The following ZNF804B variants were observed in gnomAD, a reference collection of about 807,000 sequenced individuals.
ZNF804B encodes zinc finger protein 804B.
A neutral mutation model predicts 101.4 loss-of-function variants in ZNF804B; 80 were observed. The observed-to-expected ratio is 0.79, with a 90% CI of 0.66 to 0.95. The LOEUF (loss-of-function observed/expected upper bound fraction) is 0.95, where lower values mean the gene tolerates loss of function less well. ZNF804B is among the 40% of genes least tolerant of loss of function. The probability of loss-of-function intolerance (pLI) is 0.00; values close to 1 mark genes in which losing one functional copy is unlikely to be tolerated. For synonymous variants in ZNF804B, 622 were observed against 558.8 expected (o/e 1.11, Z -1.59); for missense variants, 1,673 against 1,561.9 (o/e 1.07, Z -1.20).
At chr7:89,242,990 G>C (rs914977000) in intron 2 of ZNF804B, among the ~76,000 whole-genome samples, 2 of 151,792 alleles carry the variant, frequency 1.3e-5, no homozygotes, top group African/African-American at 4.8e-5. Flanking sequence ...CATAGGAGTA[G>C]ATTCTTGTTT....
Position 89,333,586 on chromosome 7 carries a change from C to G in ZNF804B, c.604C>G (p.Gln202Glu), listed in dbSNP as rs1791019606. 1.2e-6 allele frequency: 2 copies of G among 1,613,604 alleles called. No homozygotes were observed. The highest frequency in any genetic ancestry group is 1.7e-6 in the Non-Finnish European group (2 of 1,179,732). The stretch of plus-strand genomic sequence containing the variant: ...AGACAGGCGTTGTTTGTTTGGAAAT[C>G]AGGTACTGCAAACATCTTCAGATCT... ...QSDRRCLFGN[Q>E]VLQTSSDLSN... The change falls in exon 4 of 4, where the codon CAG (glutamine) becomes GAG (glutamate). Residue 202 changes from glutamine (Q) to glutamate (E), a missense_variant. Coordinates refer to ENST00000333190, the MANE Select transcript of ZNF804B (RefSeq NM_181646.5).
At chr7:88,846,790 ATG>A (rs754457369) in intron 1 of ZNF804B, among the ~76,000 whole-genome samples, 8 of 150,174 alleles carry the variant, frequency 5.3e-5, no homozygotes, top group African/African-American at 7.6e-5. Context: ...ATATGTATAT[ATG>A]TGTGTATATA....
intron 2 of ZNF804B, among the ~76,000 whole-genome samples, chr7:89,259,679 G>A (rs529250349): frequency 6.6e-6 from 1 of 152,042 alleles, no homozygotes; most frequent in African/African-American, 2.4e-5. Flanking sequence ...TGGGTGCTAG[G>A]GGCATTGTCC....
At chr7:88,821,813 G>T (rs1186885162) in intron 1 of ZNF804B, among the ~76,000 whole-genome samples, 3 of 152,258 alleles carry the variant, frequency 2.0e-5, no homozygotes, top group African/African-American at 7.2e-5. Flanking sequence ...TCTTATATAT[G>T]TAGCATTTTT....
intron 1 of ZNF804B, among the ~76,000 whole-genome samples, chr7:89,206,705 T>G (rs1240785049): frequency 6.6e-6 from 1 of 152,092 alleles, no homozygotes; most frequent in East Asian, 1.9e-4. Flanking sequence ...TGAGCTGAGA[T>G]CACGCCATTG....
chr7:89,254,651 A>ATT (rs111618806), intron 2 of ZNF804B, among the ~76,000 whole-genome samples: 78 of 117,584 alleles, frequency 6.6e-4, no homozygotes, highest in African/African-American at 2.2e-3. Context: ...TATTTTTATT[A>ATT]TTTTTTTTTT....
chr7:89,179,735 A>C (rs965931338), intron 1 of ZNF804B, among the ~76,000 whole-genome samples: 8 of 151,982 alleles, frequency 5.3e-5, no homozygotes, highest in Non-Finnish European at 1.2e-4. Flanking sequence ...CGACTTATGT[A>C]TTTGTTGTCC....
chr7:89,271,588 T>A (rs1022045260), intron 2 of ZNF804B, among the ~76,000 whole-genome samples: 1 of 152,128 alleles, frequency 6.6e-6, no homozygotes, highest in African/African-American at 2.4e-5. Context: ...CCTCATAAAA[T>A]GAGTTAGGGA....
intron 1 of ZNF804B, among the ~76,000 whole-genome samples, chr7:89,100,629 T>A (rs2116337792): frequency 6.6e-6 from 1 of 152,148 alleles, no homozygotes; most frequent in African/African-American, 2.4e-5. Flanking sequence ...AAAAATCTAA[T>A]AATCTGATTA....
intron 1 of ZNF804B, among the ~76,000 whole-genome samples, chr7:89,102,057 C>T (rs965720449): frequency 1.3e-5 from 2 of 151,980 alleles, no homozygotes; most frequent in African/African-American, 4.8e-5. Context: ...ATATACACCA[C>T]ATTTTTTTAA....
rs1562920199 is a variant in ZNF804B, at chr7:89,219,999, A to ATATACATATATGTGTGCATATATATG, written c.249+1707_249+1708insACATATATGTGTGCATATATATGTAT. On this transcript the variant is annotated intron_variant, in intron 2 of 3. Coordinates refer to ENST00000333190, the MANE Select transcript of ZNF804B (RefSeq NM_181646.5). Reference sequence around the variant, plus strand: ...TATATACATATGTGTGCATATATGTATATGCACATATATGTGTGTATACAT... The same window carrying ATATACATATATGTGTGCATATATATG: ...TATATACATATGTGTGCATATATGTATATACATATATGTGTGCATATATATGTATGCACATATATGTGTGTATACAT... 5.4e-5 allele frequency among the ~76,000 whole-genome samples: 6 copies of ATATACATATATGTGTGCATATATATG among 111,346 alleles called. 1 individual carries two copies. Among genetic ancestry groups the ATATACATATATGTGTGCATATATATG allele is most frequent in the Admixed American group, 1.8e-4 (2 of 11,242 alleles). The allele number at this position is 111,346 out of a possible 152,430, so 73.0% of individuals were successfully genotyped here. A position where few individuals can be genotyped will look rare whatever the true frequency, so the allele number is the denominator to read the frequency against.
chr7:89,231,089 A>G (rs1032750294), intron 2 of ZNF804B, among the ~76,000 whole-genome samples: 2 of 152,060 alleles, frequency 1.3e-5, no homozygotes, highest in Non-Finnish European at 2.9e-5. Context: ...GTTTCCTAAT[A>G]TAGGTCTATG....
intron 1 of ZNF804B, among the ~76,000 whole-genome samples, chr7:88,978,663 A>G (rs114524309): frequency 0.023 from 3,439 of 150,656 alleles, 138 homozygotes; most frequent in African/African-American, 0.079. Context: ...TAATTTAGTC[A>G]TCTACTCTGT....
At chr7:89,017,114 C>T (rs1788578191) in intron 1 of ZNF804B, among the ~76,000 whole-genome samples, 1 of 152,160 alleles carries the variant, frequency 6.6e-6, no homozygotes, top group Non-Finnish European at 1.5e-5. Context: ...AATGGGAGTT[C>T]ACTCATGATT....
rs545184012 is a variant in ZNF804B, at chr7:89,136,329, G to T, written c.109-81826G>T. ...TATTTCTTTGTGTGTGTATTTTTTT[G>T]GGGGGGTCTCAATTTCTTTACTGTG... On this transcript the variant is annotated intron_variant, in intron 1 of 3. Coordinates refer to ENST00000333190, the MANE Select transcript of ZNF804B (RefSeq NM_181646.5). Among the ~76,000 whole-genome samples the T allele has an allele frequency of 7.2e-5, 11 of 151,888 alleles. No homozygotes were observed. In the East Asian group the frequency reaches 9.7e-4, roughly 13 times the overall value.
chr7:88,773,805 G>C (rs1246423809), intron 1 of ZNF804B, among the ~76,000 whole-genome samples: 1 of 151,932 alleles, frequency 6.6e-6, no homozygotes, highest in East Asian at 1.9e-4. Context: ...GCAAGAAAGG[G>C]GGGTGAGGGA....
intron 1 of ZNF804B, among the ~76,000 whole-genome samples, chr7:89,063,957 T>C (rs1172129890): frequency 6.6e-6 from 1 of 152,178 alleles, no homozygotes; most frequent in African/African-American, 2.4e-5. Flanking sequence ...CTCAATAAAC[T>C]ATCAACTAAG....
intron 2 of ZNF804B, among the ~76,000 whole-genome samples, chr7:89,264,053 C>T (rs952891161): frequency 4.6e-5 from 7 of 151,908 alleles, no homozygotes; most frequent in Non-Finnish European, 8.8e-5. Flanking sequence ...TACATAAAAC[C>T]TTCCTTAATT....
At chr7:89,278,544 G>A (rs1790027124) in intron 2 of ZNF804B, among the ~76,000 whole-genome samples, 1 of 151,942 alleles carries the variant, frequency 6.6e-6, no homozygotes, top group Non-Finnish European at 1.5e-5. Flanking sequence ...GTAAGGAAGG[G>A]ATCCAGTTTC....
Sources: allele counts gnomAD v4.1 joint callset (sites outside exome capture counted in the v4.1 genomes callset), GRCh38; gene constraint gnomAD v4.1.1; transcripts MANE v1.5; gene names NCBI Gene and HGNC (gene_info 2026-07-23, HGNC 2026-07-21).